IMMP2L: variants seen among roughly 807,000 people sequenced by gnomAD.
IMMP2L encodes mitochondrial inner membrane protease subunit 2.
A neutral mutation model predicts 19.3 loss-of-function variants in IMMP2L; 18 were observed. The ratio of observed to expected loss-of-function variants is 0.93; its 90% CI spans 0.64 to 1.38. The LOEUF (loss-of-function observed/expected upper bound fraction) is 1.38, where lower values mean the gene tolerates loss of function less well. Ranked by LOEUF, IMMP2L falls within the 40% of genes most tolerant of loss-of-function variation. IMMP2L has a pLI of 0.00. For missense variants in IMMP2L, 233 were observed against 218.2 expected, an observed-to-expected ratio of 1.07 and a Z score of -0.43; for synonymous variants, 76 against 73.0, an observed-to-expected ratio of 1.04 and a Z score of -0.21.
At chr7:111,512,474 A>G (rs1189245291) in intron 2 of IMMP2L, among the ~76,000 whole-genome samples, 2 of 151,614 alleles carry the variant, frequency 1.3e-5, no homozygotes, top group Non-Finnish European at 2.9e-5. Context: ...TTTACTTTTA[A>G]TACTATTTAT....
At chr7:111,402,542 C>T (rs761199750) in intron 3 of IMMP2L, among the ~76,000 whole-genome samples, 35 of 151,962 alleles carry the variant, frequency 2.3e-4, no homozygotes, top group Non-Finnish European at 4.9e-4. Context: ...GAAACCCCGT[C>T]TCTAATAAAA....
At chr7:111,016,965 GT>G (rs1825767857) in intron 3 of IMMP2L, among the ~76,000 whole-genome samples, 1 of 112,760 alleles carries the variant, frequency 8.9e-6, no homozygotes, top group South Asian at 2.5e-4. Flanking sequence ...ATAATTATAT[GT>G]ATAATTATAT....
At position 111,137,398 on chromosome 7, in the gene IMMP2L, T is replaced by C. The variant is rs115391248; in HGVS notation, c.240-173833A>G. Among the ~76,000 whole-genome samples, 1,457 of 152,254 alleles carry C rather than the reference T, an allele frequency of 9.6e-3. 32 individuals carry two copies. Among genetic ancestry groups the C allele is most frequent in the African/African-American group, 0.033 (1,390 of 41,546 alleles). ...TATTCATTTCACCATTTCCTAATCA[T>C]GTCAAAAAAAATACGTTAAGCCAGA... On this transcript the variant is annotated intron_variant, in intron 3 of 5. Transcript: ENST00000405709.
Position 111,503,118 on chromosome 7 carries a change from A to C in IMMP2L, c.136-15777T>G, listed in dbSNP as rs1266874414. Among the ~76,000 whole-genome samples, 5 of 152,188 alleles carry C rather than the reference A, an allele frequency of 3.3e-5. No homozygotes were observed. In the East Asian group the frequency reaches 9.6e-4, roughly 29 times the overall value. On this transcript the variant is annotated intron_variant, in intron 2 of 5. Coordinates refer to ENST00000405709, the MANE Select transcript of IMMP2L (RefSeq NM_032549.4). ...AAGAGAGAAGAATCAAATAGACACA[A>C]TAAAAAATGATAAAGGGGATATCAC...
intron 5 of IMMP2L, among the ~76,000 whole-genome samples, chr7:110,866,624 T>C (rs1452858613): frequency 1.3e-5 from 2 of 152,076 alleles, no homozygotes; most frequent in Non-Finnish European, 2.9e-5. Context: ...AATTTGTTAA[T>C]CTTAAAAAGT....
intron 1 of IMMP2L, among the ~76,000 whole-genome samples, chr7:111,529,761 G>A (rs1253928005): frequency 6.6e-6 from 1 of 152,134 alleles, no homozygotes; most frequent in Non-Finnish European, 1.5e-5. Flanking sequence ...GTGACTTTCT[G>A]TTGGTAAACT....
At chr7:110,669,059 G>A (rs1791688853) in intron 5 of IMMP2L, among the ~76,000 whole-genome samples, 1 of 127,328 alleles carries the variant, frequency 7.9e-6, no homozygotes, top group African/African-American at 4.2e-5. Flanking sequence ...GTGCGTGTGT[G>A]TGTGTGTGTG....
At chr7:110,820,999 T>C (rs925410589) in intron 5 of IMMP2L, among the ~76,000 whole-genome samples, 1 of 152,102 alleles carries the variant, frequency 6.6e-6, no homozygotes, top group Non-Finnish European at 1.5e-5. Flanking sequence ...ATTGTAAAAA[T>C]ATCTAATATA....
At chr7:110,894,475 G>A (rs1357679886) in intron 4 of IMMP2L, among the ~76,000 whole-genome samples, 1 of 152,132 alleles carries the variant, frequency 6.6e-6, no homozygotes, top group African/African-American at 2.4e-5. Flanking sequence ...AATGACTAAT[G>A]ATTTGAGCAT....
chr7:111,122,666 T>C, intron 3 of IMMP2L: 1 of 877,704 alleles, frequency 1.1e-6, no homozygotes, highest in Admixed American at 2.5e-5. Flanking sequence ...GCATTCATCA[T>C]TTGACAAATG....
At chr7:111,048,238 CAAAAAAAAAAAA>C (rs575701337) in intron 3 of IMMP2L, among the ~76,000 whole-genome samples, 1 of 18,354 alleles carries the variant, frequency 5.4e-5, no homozygotes, top group Non-Finnish European at 1.4e-4. Context: ...GACTCTGTCT[CAAAAAAAAAAAA>C]AAAAAAAAAA....
intron 3 of IMMP2L, among the ~76,000 whole-genome samples, chr7:111,430,173 A>G (rs955518184): frequency 3.3e-5 from 5 of 151,960 alleles, no homozygotes; most frequent in Admixed American, 2.0e-4. Flanking sequence ...TAAAATTGGG[A>G]AAAGAGCAAA....
At chr7:111,132,975 T>G (rs1309659256) in intron 3 of IMMP2L, among the ~76,000 whole-genome samples, 1 of 152,048 alleles carries the variant, frequency 6.6e-6, no homozygotes, top group East Asian at 1.9e-4. Context: ...TATGTTCTCA[T>G]CCCAAATGAT....
intron 5 of IMMP2L, among the ~76,000 whole-genome samples, chr7:110,879,282 G>A (rs1045573033): frequency 6.6e-6 from 1 of 151,932 alleles, no homozygotes; most frequent in Non-Finnish European, 1.5e-5. Context: ...CAGCTACTTG[G>A]GAGGCTGAGG....
At chr7:111,558,122 A>G (rs74653170) in intron 1 of IMMP2L, among the ~76,000 whole-genome samples, 2,190 of 152,336 alleles carry the variant, frequency 0.014, 53 homozygotes, top group African/African-American at 0.05. Flanking sequence ...CAGTTGACAA[A>G]GATCAACAGA....
At chr7:110,817,205 A>C (rs12531706) in intron 5 of IMMP2L, among the ~76,000 whole-genome samples, 38,686 of 151,998 alleles carry the variant, frequency 0.25, 5,108 homozygotes, top group Middle Eastern at 0.3. Flanking sequence ...TTGCATATCC[A>C]GAAAACCCCA....
intron 3 of IMMP2L, among the ~76,000 whole-genome samples, chr7:111,444,806 A>C (rs1305590143): frequency 2.0e-4 from 31 of 152,126 alleles, no homozygotes; most frequent in Admixed American, 2.0e-3. Context: ...ATATGGCATA[A>C]TGCAGTGGTC....
chr7:110,908,316 AG>A (rs1230377470), intron 4 of IMMP2L, among the ~76,000 whole-genome samples: 2 of 152,154 alleles, frequency 1.3e-5, no homozygotes, highest in Non-Finnish European at 2.9e-5. Context: ...TTGAAGATCT[AG>A]GTATGAGAAG....
chr7:111,462,825 T>C (rs1840259244), intron 3 of IMMP2L, among the ~76,000 whole-genome samples: 1 of 152,118 alleles, frequency 6.6e-6, no homozygotes, highest in African/African-American at 2.4e-5. Flanking sequence ...AAAATCAGTA[T>C]TTTACATCAG....
Sources: allele counts gnomAD v4.1 joint callset (sites outside exome capture counted in the v4.1 genomes callset), GRCh38; gene constraint gnomAD v4.1.1; transcripts MANE v1.5; gene names NCBI Gene and HGNC (gene_info 2026-07-23, HGNC 2026-07-21).